SGPL1: variants seen among roughly 807,000 people sequenced by gnomAD.
The protein encoded by SGPL1 is sphingosine-1-phosphate lyase 1.
SGPL1 carries 37 observed loss-of-function variants against 68.9 expected under a neutral mutation model. That is an observed-to-expected ratio of 0.54 (90% CI 0.41 to 0.71). SGPL1 has a LOEUF of 0.71. SGPL1 is among the 30% of genes least tolerant of loss of function. The pLI is 0.00. For synonymous variants in SGPL1, 236 were observed against 248.5 expected (o/e 0.95, Z 0.47); for missense variants, 551 against 704.6 (o/e 0.78, Z 2.47).
At chr10:70,824,398 T>C (rs1336101666) in intron 2 of SGPL1, among the ~76,000 whole-genome samples, 1 of 152,238 alleles carries the variant, frequency 6.6e-6, no homozygotes, top group Non-Finnish European at 1.5e-5. Context: ...GAAGTAAATA[T>C]TTGGCAACCA....
chr10:70,841,061 C>G (rs1052471645), intron 2 of SGPL1, among the ~76,000 whole-genome samples: 5 of 152,132 alleles, frequency 3.3e-5, no homozygotes, highest in African/African-American at 9.7e-5. Context: ...TTGACCACAA[C>G]TTTCACACTA....
intron 2 of SGPL1, among the ~76,000 whole-genome samples, chr10:70,836,828 G>A (rs768850670): frequency 3.8e-4 from 58 of 151,960 alleles, no homozygotes; most frequent in Non-Finnish European, 7.1e-4. Flanking sequence ...CTGGCCTCAG[G>A]GGATCCTCCT....
Position 70,877,407 on chromosome 10 carries a change from A to C in SGPL1, c.*72A>C. 6.9e-7 allele frequency: 1 copy of C among 1,453,602 alleles called. No individual in the cohort carries two copies. Among genetic ancestry groups the C allele is most frequent in the Non-Finnish European group, 9.6e-7 (1 of 1,038,316 alleles). The allele number at this position is 1,453,602 out of a possible 1,614,324, so 90.0% of individuals were successfully genotyped here. On this transcript the variant is annotated 3_prime_UTR_variant, in exon 15 of 15. Transcript: ENST00000373202. ...TCTTGGGATATGGAACAGGCCGTGC[A>C]CAACTTTGACATCTGGTCTTGCTCC...
chr10:70,874,931 AAATT>A (rs1311202216), intron 12 of SGPL1, among the ~76,000 whole-genome samples: 1 of 152,090 alleles, frequency 6.6e-6, no homozygotes, highest in Non-Finnish European at 1.5e-5. Flanking sequence ...AAATAAATAA[AAATT>A]AGATATATAT....
intron 2 of SGPL1, among the ~76,000 whole-genome samples, chr10:70,817,768 T>C (rs768382159): frequency 6.6e-6 from 1 of 152,264 alleles, no homozygotes; most frequent in Non-Finnish European, 1.5e-5. Flanking sequence ...GATAATCATG[T>C]CTTCTTTGTT....
rs1170734134 is a variant in SGPL1 at position 70,844,477 on chromosome 10, C to T, written c.32C>T (p.Ala11Val). The change falls in exon 3 of 15, where the codon GCC becomes GTC. Residue 11 changes from alanine to valine, a missense_variant. By Grantham distance (64) the Ala-to-Val change is moderately conservative. Transcript: ENST00000373202. ...ATTTTTCACTTGTATTTCTAGAAGG[C>T]CTTTGAGCCCTACTTAGAGATTTTG... MPSTDLLMLK[A>V]FEPYLEILEV... 5 of 1,612,964 alleles carry T rather than the reference C, an allele frequency of 3.1e-6. No individual in the cohort carries two copies. Among genetic ancestry groups the T allele is most frequent in the African/African-American group, 2.7e-5 (2 of 74,882 alleles).
In SGPL1 at chr10:70,861,335, T is replaced by G. The variant is rs538151480; in HGVS notation, c.615+1836T>G. Among the ~76,000 whole-genome samples, 7 of 151,974 alleles carry G rather than the reference T, an allele frequency of 4.6e-5. No individual in the cohort carries two copies. In the South Asian group the frequency reaches 1.4e-3, roughly 31 times the overall value. The stretch of plus-strand genomic sequence containing the variant: ...GGTGTTTGAGAGCAGCCAGAGAAAA[T>G]AGATTACCTACAAAGGCATAACTGT... On this transcript the variant is annotated intron_variant, in intron 7 of 14. Transcript: ENST00000373202.
intron 2 of SGPL1, among the ~76,000 whole-genome samples, chr10:70,829,040 C>T (rs1359551444): frequency 1.3e-5 from 2 of 152,068 alleles, no homozygotes; most frequent in Admixed American, 6.5e-5. Flanking sequence ...TGTGTTGGGC[C>T]AGAGTGGAAG....
intron 7 of SGPL1, among the ~76,000 whole-genome samples, chr10:70,862,088 G>A (rs1284582662): frequency 6.6e-6 from 1 of 151,118 alleles, no homozygotes; most frequent in Non-Finnish European, 1.5e-5. Context: ...CCGCAGCCCC[G>A]GTGCGGGATC....
At chr10:70,833,481 G>T (rs570475410) in intron 2 of SGPL1, among the ~76,000 whole-genome samples, 18 of 152,320 alleles carry the variant, frequency 1.2e-4, no homozygotes, top group African/African-American at 3.9e-4. Flanking sequence ...CTTCTTTAAT[G>T]ACCCAAGAGG....
intron 4 of SGPL1, among the ~76,000 whole-genome samples, chr10:70,851,463 C>A (rs926101821): frequency 7.9e-5 from 12 of 151,946 alleles, no homozygotes; most frequent in Non-Finnish European, 1.6e-4. Context: ...AGCCCCCCCC[C>A]ACCCACCAAA....
rs2131912860 is a variant in SGPL1 at position 70,859,429 on chromosome 10, G to A, written c.545G>A (p.Arg182His). The change falls in exon 7 of 15, where the codon CGC (arginine) becomes CAC (histidine). Residue 182 changes from arginine to histidine, a missense_variant. By Grantham distance (29) the Arg-to-His change is conservative. Transcript: ENST00000373202. The part of the protein sequence containing the change: ...PLHPDIFPGL[R>H]KIEAEIVRIA... ...CATCCAGATATCTTCCCAGGACTAC[G>A]CAAGATAGAGGCAGAAATCGTGAGG... is the stretch of plus-strand genomic sequence containing the variant. 2.5e-6 allele frequency: 4 copies of A among 1,570,398 alleles called. No individual in the cohort carries two copies. Among genetic ancestry groups the A allele is most frequent in the East Asian group, 2.4e-5 (1 of 41,964 alleles).
intron 2 of SGPL1, among the ~76,000 whole-genome samples, chr10:70,841,872 TC>T (rs1180077734): frequency 6.6e-6 from 1 of 152,146 alleles, no homozygotes; most frequent in Non-Finnish European, 1.5e-5. Context: ...CCCTTCCTCT[TC>T]TAGTCTTACC....
At chr10:70,846,709 G>C (rs1845797722) in intron 3 of SGPL1, among the ~76,000 whole-genome samples, 1 of 152,060 alleles carries the variant, frequency 6.6e-6, no homozygotes, top group Non-Finnish European at 1.5e-5. Flanking sequence ...AGAGATCTGA[G>C]ATTTATATTT....
chr10:70,869,854 T>G lies in SGPL1; in HGVS notation c.767T>G (p.Ile256Ser), dbSNP rs767755726. ...NKAASYFGMK[I>S]VRVPLTKMME... ...GCAGCCAGTTACTTTGGGATGAAGA[T>G]TGTGCGGGTCCCATTGACGAAGATG... is the stretch of plus-strand genomic sequence containing the variant. Residue 256 changes from isoleucine (I) to serine (S), a missense_variant, in exon 9 of 15, where the codon ATT (isoleucine) becomes AGT (serine). By Grantham distance (142) the Ile-to-Ser change is moderately radical. Transcript: ENST00000373202. 6.2e-7 allele frequency: 1 copy of G among 1,614,044 alleles called. No homozygotes were observed.
chr10:70,844,989 C>A (rs1028093824), intron 3 of SGPL1, among the ~76,000 whole-genome samples: 1 of 152,172 alleles, frequency 6.6e-6, no homozygotes, highest in Non-Finnish European at 1.5e-5. Flanking sequence ...CCACCCACCT[C>A]GGCCTCCCAA....
At chr10:70,820,524 C>T (rs1476132377) in intron 2 of SGPL1, 1 of 152,076 alleles carries the variant, frequency 6.6e-6, no homozygotes, top group African/African-American at 2.4e-5. Flanking sequence ...CCTGTAATTC[C>T]AGCACTTTGG....
intron 13 of SGPL1, 89 bp downstream of exon 13, chr10:70,875,637 C>T: frequency 1.0e-6 from 1 of 1,001,454 alleles, no homozygotes; most frequent in Non-Finnish European, 1.5e-6. Context: ...TAGAGTTTGA[C>T]TGCTAGAGGC....
rs34643236 is a variant in SGPL1 at position 70,879,379 on chromosome 10, ATGTGTGTG to A, written c.*2062_*2069del. The stretch of plus-strand genomic sequence containing the variant: ...GCCATTCAGGGCTGGTGTGGCATTT[ATGTGTGTG>A]TGTGTGTGTGTGTGTGTTTTTCCTG... On this transcript the variant is annotated 3_prime_UTR_variant, in exon 15 of 15. Coordinates refer to ENST00000373202, the MANE Select transcript of SGPL1 (RefSeq NM_003901.4). The A allele has an allele frequency of 1.5e-4, 22 of 150,392 alleles. No homozygotes were observed. In the East Asian group the frequency reaches 3.1e-3, roughly 21 times the overall value. The allele number at this position is 150,392 out of a possible 1,614,324, so 9.3% of individuals were successfully genotyped here.
Sources: gnomAD v4.1 joint callset for allele counts (sites outside exome capture counted in the v4.1 genomes callset) on GRCh38, gnomAD v4.1.1 for gene constraint, MANE v1.5 for transcripts, NCBI Gene and HGNC (gene_info 2026-07-23, HGNC 2026-07-21) for gene names.